Variants in IL1RN observed in about 807,000 individuals in gnomAD.
IL1RN encodes the protein interleukin 1 receptor antagonist.
Under a neutral mutation model 13.7 loss-of-function variants are expected in IL1RN, and 10 were observed. That is an observed-to-expected ratio of 0.73 (90% confidence interval 0.45 to 1.24). The LOEUF (loss-of-function observed/expected upper bound fraction) is 1.24. Among genes scored for constraint, IL1RN ranks in the 50% most tolerant of loss-of-function variants. The probability of loss-of-function intolerance (pLI) is 0.00; values close to 1 mark genes in which losing one functional copy is unlikely to be tolerated. For missense variants in IL1RN, 213 were observed against 222.1 expected, an observed-to-expected ratio of 0.96 and a Z score of 0.26; for synonymous variants, 102 against 82.7, an observed-to-expected ratio of 1.23 and a Z score of -1.27.
upstream of IL1RN, among the ~76,000 whole-genome samples, chr2:113,123,947 A>T (rs1374147639): frequency 6.6e-6 from 1 of 152,244 alleles, no homozygotes; most frequent in Non-Finnish European, 1.5e-5. Flanking sequence ...CCATGTGGAC[A>T]GCTGTGCTAA....
chr2:113,127,807 G>A, intron 1 of IL1RN, 67 bp downstream of exon 1: 2 of 1,498,482 alleles, frequency 1.3e-6, no homozygotes, highest in Non-Finnish European at 1.8e-6. Context: ...TATCACAGCT[G>A]CCAGGGGCTG....
At chr2:113,122,538 T>C (rs759794673) in intron 2 of IL1RN, among the ~76,000 whole-genome samples, 4 of 152,202 alleles carry the variant, frequency 2.6e-5, no homozygotes, top group Non-Finnish European at 4.4e-5. Flanking sequence ...GAAACTTTTA[T>C]TGGAGATTCA....
chr2:113,129,607 C>G lies in IL1RN; in HGVS notation c.148C>G (p.Leu50Val). The G allele has an allele frequency of 6.2e-7, 1 of 1,612,724 alleles. No homozygotes were observed. Among genetic ancestry groups the G allele is most frequent in the Non-Finnish European group, 8.5e-7 (1 of 1,178,660 alleles). The stretch of plus-strand genomic sequence containing the variant: ...GGATGTTAACCAGAAGACCTTCTAT[C>G]TGAGGAACAACCAACTAGTTGCTGG... ...IWDVNQKTFY[L>V]RNNQLVAGYL... Residue 50 changes from leucine (L) to valine (V), a missense_variant, in exon 2 of 4, where the codon CTG becomes GTG. Physicochemically the swap from Leu to Val is conservative, Grantham distance 32. Coordinates refer to ENST00000409930, the MANE Select transcript of IL1RN (RefSeq NM_173842.3).
intron 1 of IL1RN, 120 bp from the exon 2 acceptor site, chr2:113,129,456 C>T: frequency 1.3e-6 from 1 of 765,674 alleles, no homozygotes; most frequent in Non-Finnish European, 2.4e-6. Flanking sequence ...TACTAAAATA[C>T]TATACCCCTG....
rs140088036 is a variant in IL1RN at position 113,131,076 on chromosome 2, T to C, written c.237T>C (p.His79=). Residue 79 remains histidine (H), a synonymous_variant, in exon 3 of 4, where the codon CAT becomes CAC. Transcript: ENST00000409930. ...EKIDVVPIEP[H]ALFLGIHGGK... Reference sequence around the variant, plus strand: ...TAGATGTGGTACCCATTGAGCCTCATGCTCTGTTCTTGGGAATCCATGGAG... The same window carrying C: ...TAGATGTGGTACCCATTGAGCCTCACGCTCTGTTCTTGGGAATCCATGGAG... 216 of 1,613,454 alleles carry C rather than the reference T, an allele frequency of 1.3e-4. 2 individuals carry two copies. The African/African-American group carries it at 2.5e-3, about 18-fold the overall frequency.
upstream of IL1RN, among the ~76,000 whole-genome samples, chr2:113,124,224 C>T (rs1008127955): frequency 6.6e-6 from 1 of 152,098 alleles, no homozygotes; most frequent in African/African-American, 2.4e-5. Flanking sequence ...GGTCTTAAAG[C>T]TTCATCCAGG....
At chr2:113,129,828 C>T (rs984458265) in intron 2 of IL1RN, 164 bp downstream of exon 2, 22 of 646,168 alleles carry the variant, frequency 3.4e-5, no homozygotes, top group Non-Finnish European at 6.0e-5. Flanking sequence ...TACTGAAGGG[C>T]ACATATGAGG....
In IL1RN at chr2:113,132,659, G is replaced by C; in HGVS notation, c.322G>C (p.Val108Leu). Residue 108 changes from valine to leucine, a missense_variant, in exon 4 of 4, where the codon GTT (valine) becomes CTT (leucine). Val to Leu is a conservative substitution (Grantham distance 32, BLOSUM62 1). Coordinates refer to ENST00000409930, the MANE Select transcript of IL1RN (RefSeq NM_173842.3). ...GDETRLQLEA[V>L]NITDLSENRK... ...CTGCCCATCTTTTGATTTCCAGGCA[G>C]TTAACATCACTGACCTGAGCGAGAA... 1 of 1,614,100 alleles carries C rather than the reference G, an allele frequency of 6.2e-7. No homozygotes were observed. The highest frequency in any genetic ancestry group is 1.3e-5 in the African/African-American group (1 of 75,070).
chr2:113,104,714 T>C (rs1686363333), upstream of IL1RN, among the ~76,000 whole-genome samples: 1 of 152,194 alleles, frequency 6.6e-6, no homozygotes, highest in Non-Finnish European at 1.5e-5. Flanking sequence ...CTAACATTTA[T>C]TGGGCACTTA....
At chr2:113,128,080 C>A (rs577000159) in intron 1 of IL1RN, among the ~76,000 whole-genome samples, 26 of 152,284 alleles carry the variant, frequency 1.7e-4, no homozygotes, top group African/African-American at 5.1e-4. Flanking sequence ...GGGCACAGCC[C>A]GAAGGCCCAG....
At chr2:113,118,652 T>C (rs1686664562) in intron 1 of IL1RN, among the ~76,000 whole-genome samples, 1 of 152,254 alleles carries the variant, frequency 6.6e-6, no homozygotes, top group African/African-American at 2.4e-5. Flanking sequence ...GCTGCCAGTT[T>C]GCAACCTCCG....
chr2:113,132,075 G>T (rs1687189413), intron 3 of IL1RN, among the ~76,000 whole-genome samples: 1 of 152,174 alleles, frequency 6.6e-6, no homozygotes, highest in Admixed American at 6.5e-5. Context: ...AGACTTAGTG[G>T]TCCAAGGCCA....
Position 113,112,513 on chromosome 2 carries a change from G to A in IL1RN, c.-387-487G>A, listed in dbSNP as rs908538170. Among the ~76,000 whole-genome samples, 4 of 152,240 alleles carry A rather than the reference G, an allele frequency of 2.6e-5. No homozygotes were observed. In the East Asian group the frequency reaches 5.8e-4, roughly 22 times the overall value. On this transcript the variant is annotated intron_variant, in intron 1 of 8. Transcript: ENST00000409052. ...GTAAAGGGATGTGAGTGTGGAGGCC[G>A]GAGCCCCCCTCGCCCTGTAGGCTGC...
At chr2:113,126,054 T>A (rs1007325539), upstream of IL1RN, among the ~76,000 whole-genome samples, 4 of 152,126 alleles carry the variant, frequency 2.6e-5, no homozygotes, top group African/African-American at 9.7e-5. Context: ...CACCTCAGCC[T>A]CCCCAAGTGC....
At chr2:113,121,072 C>CTCTTCTTCTTCCTCT (rs1686763013) in intron 2 of IL1RN, among the ~76,000 whole-genome samples, 1 of 147,766 alleles carries the variant, frequency 6.8e-6, no homozygotes, top group Admixed American at 6.7e-5. Flanking sequence ...CCTCCTCCTC[C>CTCTTCTTCTTCCTCT]TCCTCTTCTT....
At chr2:113,100,007 T>G in the IL1RN span, among the ~76,000 whole-genome samples, 7 of 134,668 alleles carry the variant, frequency 5.2e-5, no homozygotes, top group East Asian at 4.6e-4. Flanking sequence ...GTGCTGGGAT[T>G]ACAGGCGTGA....
Position 113,132,714 on chromosome 2 carries a change from T to A in IL1RN, c.377T>A (p.Ile126Asn). 1 of 1,614,208 alleles carries A rather than the reference T, an allele frequency of 6.2e-7. No homozygotes were observed. The highest frequency in any genetic ancestry group is 2.2e-5 in the East Asian group (1 of 44,878). The change falls in exon 4 of 4, where the codon ATC becomes AAC. Residue 126 changes from isoleucine to asparagine, a missense_variant. Physicochemically the swap from Ile to Asn is moderately radical, Grantham distance 149. Coordinates refer to ENST00000409930, the MANE Select transcript of IL1RN (RefSeq NM_173842.3). ...NRKQDKRFAF[I>N]RSDSGPTTSF... is the part of the protein sequence containing the mutation. ...AAGCAGGACAAGCGCTTCGCCTTCA[T>A]CCGCTCAGACAGTGGCCCCACCACC...
upstream of IL1RN, chr2:113,117,642 G>T (rs542396094): frequency 1.1e-4 from 47 of 408,702 alleles, no homozygotes; most frequent in African/African-American, 9.2e-4. Flanking sequence ...ACACATGCAT[G>T]AGCTGGCGGC....
chr2:113,110,435 T>C (rs1037330725), upstream of IL1RN, among the ~76,000 whole-genome samples: 8 of 152,126 alleles, frequency 5.3e-5, no homozygotes, highest in African/African-American at 1.9e-4. Flanking sequence ...CATCCCAAAA[T>C]TAAAGAGGTA....
Sources: gnomAD v4.1 joint callset for allele counts (sites outside exome capture counted in the v4.1 genomes callset) on GRCh38, gnomAD v4.1.1 for gene constraint, MANE v1.5 for transcripts, NCBI Gene and HGNC (gene_info 2026-07-23, HGNC 2026-07-21) for gene names.